SEPTIN4: variants seen among roughly 807,000 people sequenced by gnomAD.
SEPTIN4 encodes septin 4.
Under a neutral mutation model 107.1 loss-of-function variants are expected in SEPTIN4, and 52 were observed. The ratio of observed to expected loss-of-function variants is 0.49; its 90% CI spans 0.39 to 0.61. The LOEUF (loss-of-function observed/expected upper bound fraction) is 0.61. Ranked by LOEUF, SEPTIN4 falls within the 20% of genes least tolerant of loss-of-function variation. SEPTIN4 has a pLI of 0.00. For synonymous variants in SEPTIN4, 417 were observed against 467.0 expected, an observed-to-expected ratio of 0.89 and a Z score of 1.38; for missense variants, 1,048 against 1,243.5, an observed-to-expected ratio of 0.84 and a Z score of 2.36.
chr17:58,539,219 C>T (rs889265659), intron 3 of SEPTIN4: 20 of 1,507,650 alleles, frequency 1.3e-5, no homozygotes, highest in Admixed American at 4.2e-5. Context: ...CTGTAATTAT[C>T]GAGACCGGAT....
chr17:58,521,427 G>T lies in SEPTIN4; in HGVS notation c.2572-77C>A, dbSNP rs138161166. The T allele has an allele frequency of 6.4e-6, 10 of 1,567,786 alleles. No homozygotes were observed. Among genetic ancestry groups the T allele is most frequent in the Non-Finnish European group, 8.8e-6 (10 of 1,138,346 alleles). On this transcript the variant is annotated intron_variant, in intron 10 of 13. Transcript: ENST00000672673. This position sits in a 1 kb window ranked among gnomAD's most constrained non-coding sequence, Gnocchi z 6.4. ...TTCCACCTGTATCGTCATCTTCTCT[G>T]CTTCATTCTAGGAAGCCAGGGTCCT... is the stretch of plus-strand genomic sequence containing the variant.
chr17:58,522,202 A>C, intron 7 of SEPTIN4, 101 bp from the exon 8 acceptor site: 1 of 1,461,566 alleles, frequency 6.8e-7, no homozygotes, highest in Non-Finnish European at 9.4e-7. Flanking sequence ...CAGTGTTTTT[A>C]AGACACTGTT....
rs1407637641 is a variant in SEPTIN4 at position 58,538,026 on chromosome 17, C to T, written c.1614+2640G>A. Among the ~76,000 whole-genome samples, 8 of 152,068 alleles carry T rather than the reference C, an allele frequency of 5.3e-5. No homozygotes were observed. The highest frequency in any genetic ancestry group is 1.2e-4 in the African/African-American group (5 of 41,398). On this transcript the variant is annotated intron_variant, in intron 3 of 13. Coordinates refer to ENST00000672673, the MANE Select transcript of SEPTIN4 (RefSeq NM_001368771.2). This position sits in a 1 kb window ranked among gnomAD's most constrained non-coding sequence, Gnocchi z 4.7. ...GAAGGATCACTTGAGCCCAGGAATTCGAGATTACAGTGAGCTATGGATTGC... is the reference window on the plus strand; with the variant it reads ...GAAGGATCACTTGAGCCCAGGAATTTGAGATTACAGTGAGCTATGGATTGC...
At chr17:58,536,013 T>C (rs1457906219) in intron 3 of SEPTIN4, among the ~76,000 whole-genome samples, 1 of 152,224 alleles carries the variant, frequency 6.6e-6, no homozygotes, top group South Asian at 2.1e-4. Context: ...AAGACACAGA[T>C]GTTACTCTCA....
At position 58,538,636 on chromosome 17, in the gene SEPTIN4, C is replaced by A. The variant is rs8072379; in HGVS notation, c.1614+2030G>T. The stretch of plus-strand genomic sequence containing the variant: ...TTGAGCTTTTGCTAGTTCTGATCCC[C>A]AAAAAAAACCCATCAGGAATGCTTC... On this transcript the variant is annotated intron_variant, in intron 3 of 13. Coordinates refer to ENST00000672673, the MANE Select transcript of SEPTIN4 (RefSeq NM_001368771.2). This position sits in a 1 kb window ranked among gnomAD's most constrained non-coding sequence, Gnocchi z 4.7. Among the ~76,000 whole-genome samples, 127,392 of 151,552 alleles carry A rather than the reference C, an allele frequency of 0.84. 53,778 individuals carry two copies. Among genetic ancestry groups the A allele is most frequent in the East Asian group, 1 (5,134 of 5,144 alleles).
chr17:58,535,055 TAC>T lies in SEPTIN4; in HGVS notation c.1614+5609_1614+5610del, dbSNP rs1459595226. ...AGTGAGATAGATGAGTCACTGACGA[TAC>T]AGTCAGAGAGTCCTTGGACCAAAGG... On this transcript the variant is annotated intron_variant, in intron 3 of 13. Transcript: ENST00000672673. 9.8e-5 allele frequency among the ~76,000 whole-genome samples: 15 copies of T among 152,362 alleles called. No individual in the cohort carries two copies. In the East Asian group the frequency reaches 2.5e-3, roughly 25 times the overall value.
rs774052396 is a variant in SEPTIN4 at position 58,543,713 on chromosome 17, CT to C, written c.473del (p.Gln158ArgfsTer2). 17 of 1,614,106 alleles carry C rather than the reference CT, an allele frequency of 1.1e-5. No individual in the cohort carries two copies. The Admixed American group carries it at 2.8e-4, about 27-fold the overall frequency. On this transcript the variant is annotated frameshift_variant, in exon 1 of 14. Coordinates refer to ENST00000672673, the MANE Select transcript of SEPTIN4 (RefSeq NM_001368771.2). LOFTEE classifies it high-confidence loss of function. ...TATTCTTCTGGTCTTGAAAACTCAA[CT>C]GATGAGTAGATTTGGCATCTGGGAT... ...SSIPDAKSTH[Q>X]LSFQDQKNNL...
chr17:58,524,804 G>T, intron 7 of SEPTIN4: 2 of 316,404 alleles, frequency 6.3e-6, no homozygotes, highest in Non-Finnish European at 1.2e-5. Context: ...CTGGCCTCAA[G>T]TGATACTTCC....
At chr17:58,524,144 T>C (rs2042573770) in intron 7 of SEPTIN4, among the ~76,000 whole-genome samples, 2 of 152,180 alleles carry the variant, frequency 1.3e-5, no homozygotes, top group South Asian at 4.1e-4. Context: ...TACCACCTTT[T>C]CTCCTGTCAA....
In SEPTIN4 at chr17:58,521,445, A is replaced by G; in HGVS notation, c.2572-95T>C. The stretch of plus-strand genomic sequence containing the variant: ...CTTCTCTGCTTCATTCTAGGAAGCC[A>G]GGGTCCTTTCCCACCCTGATAGCCT... On this transcript the variant is annotated intron_variant, in intron 10 of 13. Coordinates refer to ENST00000672673, the MANE Select transcript of SEPTIN4 (RefSeq NM_001368771.2). This position sits in a 1 kb window ranked among gnomAD's most constrained non-coding sequence, Gnocchi z 6.4. 6.4e-7 allele frequency: 1 copy of G among 1,556,354 alleles called. No individual in the cohort carries two copies. Among genetic ancestry groups the G allele is most frequent in the South Asian group, 1.1e-5 (1 of 89,984 alleles).
intron 3 of SEPTIN4, among the ~76,000 whole-genome samples, chr17:58,537,316 T>C (rs2043746216): frequency 6.6e-6 from 1 of 152,226 alleles, no homozygotes; most frequent in Non-Finnish European, 1.5e-5. Flanking sequence ...TCTTGAGACA[T>C]GTGACTTTCA....
intron 3 of SEPTIN4, among the ~76,000 whole-genome samples, chr17:58,540,025 T>TA (rs148077066): frequency 0.039 from 5,916 of 152,254 alleles, 177 homozygotes; most frequent in Non-Finnish European, 0.066. Context: ...TGGGACCTAT[T>TA]AGAGGCCATT....
At chr17:58,541,408 G>A (rs184203470) in intron 2 of SEPTIN4, among the ~76,000 whole-genome samples, 258 of 152,306 alleles carry the variant, frequency 1.7e-3, no homozygotes, top group Admixed American at 2.9e-3. Context: ...AGAGCTGCAA[G>A]ACACACTGAT....
At chr17:58,528,978 G>T (rs765973) in intron 3 of SEPTIN4, 1 of 993,334 alleles carries the variant, frequency 1.0e-6, no homozygotes, top group Non-Finnish European at 1.6e-6. Flanking sequence ...GGACACCAGG[G>T]TCCTCACCTC....
rs2042133281 is a variant in SEPTIN4 at position 58,520,412 on chromosome 17, G to A, written c.*14C>T. 1 of 1,611,936 alleles carries A rather than the reference G, an allele frequency of 6.2e-7. No individual in the cohort carries two copies. Among genetic ancestry groups the A allele is most frequent in the African/African-American group, 1.3e-5 (1 of 74,878 alleles). On this transcript the variant is annotated 3_prime_UTR_variant, in exon 14 of 14. Coordinates refer to ENST00000672673, the MANE Select transcript of SEPTIN4 (RefSeq NM_001368771.2). ...GAAGAGGAGGAGATTTAAATATCCA[G>A]GGCTGAAAGCCAGTTAATAGTTCTC...
At chr17:58,531,892 G>A in intron 3 of SEPTIN4, 2 of 1,116,252 alleles carry the variant, frequency 1.8e-6, no homozygotes, top group East Asian at 5.1e-5. Context: ...CCTTGCAGCC[G>A]CCCGGGAGCG....
chr17:58,539,925 G>C (rs1267780201), intron 3 of SEPTIN4, among the ~76,000 whole-genome samples: 1 of 152,188 alleles, frequency 6.6e-6, no homozygotes, highest in Non-Finnish European at 1.5e-5. Flanking sequence ...CCCTTCAGCT[G>C]TTCCATTATC....
chr17:58,520,985 C>A lies in SEPTIN4; in HGVS notation c.2831+13G>T, dbSNP rs750340275. ...TCTCCCCCTGCCAGCTTTGTCCTGG[C>A]TTCTGGTCATACTTGCGATTCCGTT... On this transcript the variant is annotated intron_variant, in intron 12 of 13. Transcript: ENST00000672673. The A allele has an allele frequency of 1.9e-6, 3 of 1,613,776 alleles. No individual in the cohort carries two copies. The highest frequency in any genetic ancestry group is 2.5e-6 in the Non-Finnish European group (3 of 1,179,940).
Position 58,543,282 on chromosome 17 carries a change from T to G in SEPTIN4, c.905A>C (p.Tyr302Ser). 3 of 1,614,194 alleles carry G rather than the reference T, an allele frequency of 1.9e-6. No homozygotes were observed. Among genetic ancestry groups the G allele is most frequent in the Non-Finnish European group, 2.5e-6 (3 of 1,180,042 alleles). Residue 302 changes from tyrosine (Y) to serine (S), a missense_variant, in exon 1 of 14, where the codon TAT (tyrosine) becomes TCT (serine). Tyr to Ser is a moderately radical substitution (Grantham distance 144). Transcript: ENST00000672673. The stretch of plus-strand genomic sequence containing the variant: ...CTTTGCGGAGGGCTTGGTTTCAGGA[T>G]AGGCAGAATACTTATGAAGAGACTC... ...DPESLHKYSA[Y>S]PETKPSAKVL...
Sources: allele counts gnomAD v4.1 joint callset (sites outside exome capture counted in the v4.1 genomes callset), GRCh38; gene constraint gnomAD v4.1.1; non-coding constraint Gnocchi (gnomAD v3.1); transcripts MANE v1.5; gene names NCBI Gene and HGNC (gene_info 2026-07-23, HGNC 2026-07-21).